FRMPD4: variants seen among roughly 807,000 people sequenced by gnomAD.
The protein encoded by FRMPD4 is FERM and PDZ domain-containing protein 4.
In FRMPD4, 22 loss-of-function variants were observed where a neutral mutation model predicts 94.1. That is an observed-to-expected ratio of 0.23 (90% CI 0.17 to 0.33). FRMPD4 has a LOEUF of 0.33. Ranked by LOEUF, FRMPD4 falls within the 10% of genes least tolerant of loss-of-function variation. The probability of loss-of-function intolerance (pLI) is 1.00; values close to 1 mark genes in which losing one functional copy is unlikely to be tolerated. For synonymous variants in FRMPD4, 631 were observed against 548.6 expected (o/e 1.15, Z -2.10); for missense variants, 1,111 against 1,339.9 (o/e 0.83, Z 2.67).
At chrX:12,488,272 A>G (rs1300426793) in intron 1 of FRMPD4, among the ~76,000 whole-genome samples, 2 of 112,274 alleles carry the variant, frequency 1.8e-5, no homozygotes, top group Non-Finnish European at 3.8e-5. Flanking sequence ...GTTTAAAAAA[A>G]TGTGAGTAAG....
chrX:12,639,986 C>T (rs2059479500), intron 4 of FRMPD4, among the ~76,000 whole-genome samples: 1 of 111,608 alleles, frequency 9.0e-6, no homozygotes, highest in Non-Finnish European at 1.9e-5. Context: ...GGAACACTTA[C>T]ACTTTTCATT....
At chrX:12,017,944 A>G (rs140775700) in intron 3 of FRMPD4, among the ~76,000 whole-genome samples, 189 of 112,013 alleles carry the variant, frequency 1.7e-3, no homozygotes, top group African/African-American at 5.9e-3. Flanking sequence ...GCTGAGTGAC[A>G]TTGTCCTAGT....
intron 1 of FRMPD4, among the ~76,000 whole-genome samples, chrX:12,457,400 C>T (rs184662142): frequency 9.0e-6 from 1 of 111,627 alleles, no homozygotes; most frequent in East Asian, 2.8e-4. Context: ...AATTGTTTGG[C>T]GATGAGAAGA....
At chrX:12,524,572 A>T (rs940438417) in intron 2 of FRMPD4, among the ~76,000 whole-genome samples, 12 of 111,660 alleles carry the variant, frequency 1.1e-4, no homozygotes, top group African/African-American at 3.9e-4. Flanking sequence ...AAGGAAGCAG[A>T]CTCTCCAAAC....
chrX:12,187,437 G>T (rs2056437783), intron 1 of FRMPD4, among the ~76,000 whole-genome samples: 1 of 111,721 alleles, frequency 9.0e-6, no homozygotes, highest in South Asian at 3.7e-4. Context: ...ATACTGGTCA[G>T]CAGTGTTTGT....
chrX:12,228,336 A>G (rs186199965), intron 1 of FRMPD4, among the ~76,000 whole-genome samples: 221 of 112,462 alleles, frequency 2.0e-3, no homozygotes, highest in African/African-American at 7.0e-3. Flanking sequence ...AAAAAACACT[A>G]ATGTTTTAGA....
At chrX:11,874,546 C>T (rs2053773099) in intron 2 of FRMPD4, among the ~76,000 whole-genome samples, 1 of 112,313 alleles carries the variant, frequency 8.9e-6, no homozygotes, top group Non-Finnish European at 1.9e-5. Flanking sequence ...AGGTTGTATG[C>T]AAATACTACA....
chrX:11,928,111 A>C (rs376544808), intron 3 of FRMPD4, among the ~76,000 whole-genome samples: 11 of 112,667 alleles, frequency 9.8e-5, no homozygotes, highest in African/African-American at 3.2e-4. Flanking sequence ...GACACTTTTC[A>C]AAAGAAGACA....
intron 2 of FRMPD4, among the ~76,000 whole-genome samples, chrX:12,594,941 C>G (rs1270415730): frequency 8.9e-6 from 1 of 111,976 alleles, no homozygotes; most frequent in African/African-American, 3.3e-5. Flanking sequence ...CCAATCTGTT[C>G]CTCAACTGTA....
intron 2 of FRMPD4, among the ~76,000 whole-genome samples, chrX:12,597,284 ACAT>A (rs2059040425): frequency 8.9e-6 from 1 of 112,632 alleles, no homozygotes; most frequent in Admixed American, 9.4e-5. Flanking sequence ...CGGTCAATAA[ACAT>A]TTTGCCAGCT....
upstream of FRMPD4, among the ~76,000 whole-genome samples, chrX:12,137,680 AG>A (rs2055617122): frequency 8.9e-6 from 1 of 112,492 alleles, no homozygotes; most frequent in African/African-American, 3.2e-5. Flanking sequence ...GTTAATGAAC[AG>A]GGCTGATTAT....
chrX:12,539,113 C>G (rs1388646930), intron 2 of FRMPD4, among the ~76,000 whole-genome samples: 5 of 112,345 alleles, frequency 4.5e-5, no homozygotes, highest in African/African-American at 1.6e-4. Flanking sequence ...GAGCTGAAAA[C>G]TATGGCACGA....
At chrX:12,513,652 A>C (rs758062804) in intron 2 of FRMPD4, among the ~76,000 whole-genome samples, 3 of 112,101 alleles carry the variant, frequency 2.7e-5, no homozygotes, top group Non-Finnish European at 5.6e-5. Context: ...TGGTAGAGTG[A>C]TGCCTCAAGC....
chrX:12,130,102 A>AAGAGAGAGAGAGAGAGAGAGAG (rs10533802), intron 3 of FRMPD4, among the ~76,000 whole-genome samples: 5 of 92,717 alleles, frequency 5.4e-5, no homozygotes, highest in Non-Finnish European at 6.3e-5. Context: ...GAGCCAGCGG[A>AAGAGAGAGAGAGAGAGAGAGAG]AGAGAGAGAG....
chrX:12,545,359 C>T (rs1478652230), intron 2 of FRMPD4, among the ~76,000 whole-genome samples: 2 of 111,754 alleles, frequency 1.8e-5, no homozygotes, highest in East Asian at 5.6e-4. Flanking sequence ...AACGACTAGA[C>T]AACCCTGTTC....
intron 2 of FRMPD4, among the ~76,000 whole-genome samples, chrX:12,539,620 G>C (rs1260621418): frequency 9.0e-6 from 1 of 110,869 alleles, no homozygotes; most frequent in African/African-American, 3.3e-5. Flanking sequence ...CCAGAAGAGA[G>C]TGGGGGCTAA....
intron 2 of FRMPD4, among the ~76,000 whole-genome samples, chrX:12,577,323 A>T (rs897175753): frequency 9.0e-6 from 1 of 111,413 alleles, no homozygotes; most frequent in Non-Finnish European, 1.9e-5. Flanking sequence ...GAGAAGTAGG[A>T]AGAAAGTGAG....
chrX:11,884,790 C>A (rs900481158), intron 3 of FRMPD4, among the ~76,000 whole-genome samples: 1 of 111,377 alleles, frequency 9.0e-6, no homozygotes, highest in Non-Finnish European at 1.9e-5. Context: ...TTTTAAAATA[C>A]TGGCGTGAAT....
chrX:12,140,922 G>A (rs1333717754), intron 1 of FRMPD4, among the ~76,000 whole-genome samples: 2 of 111,665 alleles, frequency 1.8e-5, no homozygotes, highest in African/African-American at 6.5e-5. Flanking sequence ...TTATTCTAAA[G>A]ACAGAAGGTG....
Sources: allele counts gnomAD v4.1 joint callset (sites outside exome capture counted in the v4.1 genomes callset), GRCh38; gene constraint gnomAD v4.1.1; transcripts MANE v1.5; gene names NCBI Gene and HGNC (gene_info 2026-07-23, HGNC 2026-07-21).